Variants in ATP5MF observed in about 807,000 individuals in gnomAD.
The protein encoded by ATP5MF is ATP synthase F(0) complex subunit f, mitochondrial.
ATP5MF carries 10 observed loss-of-function variants against 13.8 expected under a neutral mutation model. That is an observed-to-expected ratio of 0.72 (90% CI 0.45 to 1.23). The LOEUF (loss-of-function observed/expected upper bound fraction) is 1.23. Among genes scored for constraint, ATP5MF ranks in the 50% most tolerant of loss-of-function variants. The pLI is 0.00. For missense variants in ATP5MF, 122 were observed against 118.2 expected, an observed-to-expected ratio of 1.03 and a Z score of -0.15; for synonymous variants, 40 against 45.8, an observed-to-expected ratio of 0.87 and a Z score of 0.51.
chr7:99,465,177 T>G (rs1199035616), intron 1 of ATP5MF, among the ~76,000 whole-genome samples: 1 of 151,566 alleles, frequency 6.6e-6, no homozygotes, highest in African/African-American at 2.4e-5. Context: ...GAGAATCGCT[T>G]GAACCCAGGA....
chr7:99,464,617 C>T (rs889988281), intron 1 of ATP5MF, among the ~76,000 whole-genome samples: 3 of 151,768 alleles, frequency 2.0e-5, no homozygotes, highest in East Asian at 3.9e-4. Flanking sequence ...GAGCTGAGAT[C>T]GCGCCACTGC....
intron 1 of ATP5MF, among the ~76,000 whole-genome samples, chr7:99,462,176 G>A (rs965815497): frequency 5.3e-5 from 8 of 151,480 alleles, no homozygotes; most frequent in African/African-American, 1.9e-4. Context: ...TCAGGGGCCG[G>A]GCACGGTGGC....
Position 99,460,163 on chromosome 7 carries a change from A to C in ATP5MF, c.62T>G (p.Val21Gly), listed in dbSNP as rs749031991. The change falls in exon 2 of 4, where the codon GTC becomes GGC. Residue 21 changes from valine to glycine, a missense_variant. By Grantham distance (109) the Val-to-Gly change is moderately radical. Coordinates refer to ENST00000292475, the MANE Select transcript of ATP5MF (RefSeq NM_004889.5). ...VPVKDKKLLE[V>G]KLGELPSWIL... Reference sequence around the variant, plus strand: ...CCAGCTTGGCAGCTCCCCCAGTTTGACCTCCAGAAGTTTCTTGTCCTTCAC... The same window carrying C: ...CCAGCTTGGCAGCTCCCCCAGTTTGCCCTCCAGAAGTTTCTTGTCCTTCAC... The C allele has an allele frequency of 3.7e-6, 6 of 1,614,134 alleles. No homozygotes were observed. The South Asian group carries it at 5.5e-5, about 15-fold the overall frequency.
At chr7:99,462,504 C>T (rs562742608) in intron 1 of ATP5MF, among the ~76,000 whole-genome samples, 5 of 151,942 alleles carry the variant, frequency 3.3e-5, no homozygotes, top group South Asian at 2.1e-4. Flanking sequence ...TGGCAGGGCA[C>T]GGTGGCTCAC....
intron 1 of ATP5MF, among the ~76,000 whole-genome samples, chr7:99,461,229 C>CA (rs779552442): frequency 7.9e-5 from 12 of 152,136 alleles, no homozygotes; most frequent in Non-Finnish European, 1.6e-4. Flanking sequence ...GGGTCTCACT[C>CA]CATTACCCAG....
chr7:99,463,667 T>C (rs1025889150), intron 1 of ATP5MF, among the ~76,000 whole-genome samples: 8 of 151,960 alleles, frequency 5.3e-5, no homozygotes, highest in Admixed American at 5.2e-4. Context: ...TTCCAGCTAC[T>C]TGGGAGGCTG....
intron 1 of ATP5MF, among the ~76,000 whole-genome samples, chr7:99,463,311 C>T (rs1006465709): frequency 3.3e-5 from 5 of 152,226 alleles, no homozygotes; most frequent in Admixed American, 2.6e-4. Flanking sequence ...TTGCAGGCCA[C>T]ATAAGGTCTT....
At chr7:99,458,841 G>T (rs1798460738) in intron 3 of ATP5MF, 1 of 343,976 alleles carries the variant, frequency 2.9e-6, no homozygotes, top group South Asian at 3.9e-5. Flanking sequence ...TTTCTGCATT[G>T]GCTACTAGGA....
intron 1 of ATP5MF, among the ~76,000 whole-genome samples, chr7:99,462,190 C>T (rs1798635679): frequency 1.3e-5 from 2 of 149,310 alleles, no homozygotes; most frequent in Non-Finnish European, 3.0e-5. Flanking sequence ...CGGTGGCTCA[C>T]GCCTGTAATC....
intron 1 of ATP5MF, among the ~76,000 whole-genome samples, chr7:99,465,009 C>T (rs1798794744): frequency 6.6e-6 from 1 of 151,822 alleles, no homozygotes; most frequent in African/African-American, 2.4e-5. Context: ...CCTGTAGTCC[C>T]AGCACTTTGG....
At chr7:99,459,031 G>C (rs1447152866) in intron 3 of ATP5MF, 116 bp downstream of exon 3, 1 of 714,498 alleles carries the variant, frequency 1.4e-6, no homozygotes, top group Non-Finnish European at 2.4e-6. Context: ...GAAACATAAG[G>C]AACTTTAACT....
chr7:99,460,097 G>A lies in ATP5MF; in HGVS notation c.128C>T (p.Ala43Val), dbSNP rs11545970. The A allele has an allele frequency of 2.8e-5, 45 of 1,613,152 alleles. No homozygotes were observed. Among genetic ancestry groups the A allele is most frequent in the Non-Finnish European group, 3.5e-5 (41 of 1,179,784 alleles). The change falls in exon 2 of 4, where the codon GCG (alanine) becomes GTG (valine). Residue 43 changes from alanine to valine, a missense_variant. Ala to Val is a moderately conservative substitution (Grantham distance 64). Coordinates refer to ENST00000292475, the MANE Select transcript of ATP5MF (RefSeq NM_004889.5). ...CACAAGGCTCTGACCTCTTTGAAAC[G>A]CTCCGAAAATGCCACTAGGACTGAA... ...RDFSPSGIFG[A>V]FQRGYYRYYN... is the part of the protein sequence containing the mutation.
rs370605940 is a variant in ATP5MF at position 99,460,137 on chromosome 7, T to A, written c.88A>T (p.Ile30Phe). The A allele has an allele frequency of 3.7e-6, 6 of 1,614,192 alleles. No homozygotes were observed. The highest frequency in any genetic ancestry group is 1.3e-5 in the African/African-American group (1 of 75,060). Residue 30 changes from isoleucine (I) to phenylalanine (F), a missense_variant, in exon 2 of 4, where the codon ATC (isoleucine) becomes TTC (phenylalanine). Ile to Phe is a conservative substitution (Grantham distance 21). Transcript: ENST00000292475. The part of the protein sequence containing the change: ...EVKLGELPSW[I>F]LMRDFSPSGI... The stretch of plus-strand genomic sequence containing the variant: ...CTAGGACTGAAGTCCCGCATCAAGA[T>A]CCAGCTTGGCAGCTCCCCCAGTTTG...
Position 99,459,234 on chromosome 7 carries a change from T to C in ATP5MF, c.169A>G (p.Asn57Asp), listed in dbSNP as rs1798486093. The change falls in exon 3 of 4, where the codon AAT (asparagine) becomes GAT (aspartate). Residue 57 changes from asparagine to aspartate, a missense_variant. Asn to Asp is a conservative substitution (Grantham distance 23, BLOSUM62 1). Transcript: ENST00000292475. ...CCCGAGATGCTCCCCTTCTTCACAT[T>C]GATGTACTTGTTGTAGTACCGGTAG... Reference protein sequence around the residue: ...GYYRYYNKYINVKKGSISGIT... With the variant: ...GYYRYYNKYIDVKKGSISGIT... The C allele has an allele frequency of 8.1e-6, 13 of 1,613,996 alleles. No homozygotes were observed. Among genetic ancestry groups the C allele is most frequent in the African/African-American group, 1.3e-5 (1 of 74,914 alleles).
At chr7:99,466,074 G>C (rs951330416) in intron 1 of ATP5MF, 37 bp downstream of exon 1, 2 of 1,614,042 alleles carry the variant, frequency 1.2e-6, no homozygotes, top group Non-Finnish European at 1.7e-6. Context: ...CCTGGACCCT[G>C]GCTCCTGCTT....
chr7:99,464,418 C>A (rs1798751038), intron 1 of ATP5MF, among the ~76,000 whole-genome samples: 1 of 152,324 alleles, frequency 6.6e-6, no homozygotes, highest in African/African-American at 2.4e-5. Flanking sequence ...AATCCCAGCA[C>A]TTTGGGAGGC....
At chr7:99,459,568 G>C (rs55927283) in intron 2 of ATP5MF, 23,195 of 315,722 alleles carry the variant, frequency 0.073, 1,741 homozygotes, top group African/African-American at 0.25. Flanking sequence ...CACCACCACA[G>C]CCAGCTAATT....
Position 99,459,249 on chromosome 7 carries a change from AG to A in ATP5MF, c.153del (p.Tyr52ThrfsTer7). 6.2e-7 allele frequency: 1 copy of A among 1,613,916 alleles called. No individual in the cohort carries two copies. Among genetic ancestry groups the A allele is most frequent in the Non-Finnish European group, 8.5e-7 (1 of 1,179,796 alleles). ...TTCTTCACATTGATGTACTTGTTGT[AG>A]TACCGGTAGTAACCTGCAAACGCAA... ...FGAFQRGYYR[Y>X]YNKYINVKKG... On this transcript the variant is annotated frameshift_variant, in exon 3 of 4. Coordinates refer to ENST00000292475, the MANE Select transcript of ATP5MF (RefSeq NM_004889.5). LOFTEE classifies it high-confidence loss of function.
At position 99,459,148 on chromosome 7, in the gene ATP5MF, G is replaced by A; in HGVS notation, c.255C>T (p.Leu85=). Residue 85 remains leucine, a splice_region_variant and synonymous_variant, in exon 3 of 4, where the codon CTC becomes CTT. Transcript: ENST00000292475. ...GCAAGACGCCGCAGAGGCACTCACT[G>A]AGATGCTTGTAGGAAAAGGAGTAGC... is the stretch of plus-strand genomic sequence containing the variant. ...LFSYSFSYKH[L]KHERLRKYH 6.2e-7 allele frequency: 1 copy of A among 1,612,110 alleles called. No homozygotes were observed. Among genetic ancestry groups the A allele is most frequent in the South Asian group, 1.1e-5 (1 of 90,998 alleles).
Sources: gnomAD v4.1 joint callset for allele counts (sites outside exome capture counted in the v4.1 genomes callset) on GRCh38, gnomAD v4.1.1 for gene constraint, MANE v1.5 for transcripts, NCBI Gene and HGNC (gene_info 2026-07-23, HGNC 2026-07-21) for gene names.